Variants in ARHGAP5 observed in about 807,000 individuals in gnomAD.
ARHGAP5 encodes the protein Rho GTPase activating protein 5.
In ARHGAP5, 23 loss-of-function variants were observed where a neutral mutation model predicts 116.6. That is an observed-to-expected ratio of 0.20 (90% CI 0.14 to 0.28). The LOEUF (loss-of-function observed/expected upper bound fraction) is 0.28, where lower values mean the gene tolerates loss of function less well. Among genes scored for constraint, ARHGAP5 ranks in the 10% least tolerant of loss-of-function variants. The pLI is 1.00. For synonymous variants in ARHGAP5, 574 were observed against 602.0 expected, an observed-to-expected ratio of 0.95 and a Z score of 0.68; for missense variants, 1,405 against 1,774.8, an observed-to-expected ratio of 0.79 and a Z score of 3.74.
At position 32,156,193 on chromosome 14, in the gene ARHGAP5, A is replaced by G. The variant is rs754916679; in HGVS notation, c.*1245A>G. The G allele has an allele frequency of 2.0e-5, 3 of 152,460 alleles. No individual in the cohort carries two copies. The highest frequency in any genetic ancestry group is 4.4e-5 in the Non-Finnish European group (3 of 67,894). 9.4% of individuals were successfully genotyped at this position (152,460 alleles called of 1,614,324 possible). On this transcript the variant is annotated 3_prime_UTR_variant, in exon 7 of 7. Transcript: ENST00000345122. ...GGGGGTAAACATTTTGTTAGTGAAGATAAAACCAGAACACTAAATTATGGA... is the reference window on the plus strand; with the variant it reads ...GGGGGTAAACATTTTGTTAGTGAAGGTAAAACCAGAACACTAAATTATGGA...
Position 32,091,771 on chromosome 14 carries a change from A to G in ARHGAP5, c.1102A>G (p.Met368Val), listed in dbSNP as rs1188756162. The change falls in exon 2 of 7, where the codon ATG becomes GTG. Residue 368 changes from methionine to valine, a missense_variant. Coordinates refer to ENST00000345122, the MANE Select transcript of ARHGAP5 (RefSeq NM_001030055.2). Reference protein sequence around the residue: ...HLNWSEALKLMEKRADFQLCF... With the variant: ...HLNWSEALKLVEKRADFQLCF... The stretch of plus-strand genomic sequence containing the variant: ...GAATTGGTCAGAAGCTTTGAAGTTA[A>G]TGGAAAAGAGAGCAGATTTCCAGTT... 1 of 1,613,704 alleles carries G rather than the reference A, an allele frequency of 6.2e-7. No homozygotes were observed. The highest frequency in any genetic ancestry group is 8.5e-7 in the Non-Finnish European group (1 of 1,179,664).
intron 3 of ARHGAP5, among the ~76,000 whole-genome samples, chr14:32,134,712 T>C (rs1880693898): frequency 6.6e-6 from 1 of 152,254 alleles, no homozygotes; most frequent in Non-Finnish European, 1.5e-5. Context: ...TAAATCTTGT[T>C]TGAAATAAAA....
intron 3 of ARHGAP5, among the ~76,000 whole-genome samples, chr14:32,144,738 C>T (rs1301780717): frequency 6.6e-6 from 1 of 152,194 alleles, no homozygotes; most frequent in African/African-American, 2.4e-5. Flanking sequence ...CCCACCTCAG[C>T]TTCCCAAAGT....
At chr14:32,154,548 C>A in intron 6 of ARHGAP5, 73 bp from the exon 7 acceptor site, 1 of 1,238,820 alleles carries the variant, frequency 8.1e-7, no homozygotes, top group Non-Finnish European at 1.1e-6. Flanking sequence ...AATCTGAGAT[C>A]ATTTCTAGCT....
intron 3 of ARHGAP5, among the ~76,000 whole-genome samples, chr14:32,135,766 A>G (rs549112668): frequency 2.0e-5 from 3 of 152,324 alleles, no homozygotes; most frequent in African/African-American, 7.2e-5. Context: ...GCCTAACCAC[A>G]TATCTTTGAA....
In ARHGAP5 at chr14:32,092,901, C is replaced by A. The variant is rs768060067; in HGVS notation, c.2232C>A (p.Thr744=). ...AGTYPRKFNE[T]QIKQALRGVL... Reference sequence around the variant, plus strand: ...CATATCCTCGTAAATTTAATGAAACCCAAATAAAGCAAGCTCTCAGAGGAG... The same window carrying A: ...CATATCCTCGTAAATTTAATGAAACACAAATAAAGCAAGCTCTCAGAGGAG... The change falls in exon 2 of 7, where the codon ACC becomes ACA. Residue 744 remains threonine, a synonymous_variant. Coordinates refer to ENST00000345122, the MANE Select transcript of ARHGAP5 (RefSeq NM_001030055.2). The surrounding 1 kb of genome is among the most constrained non-coding windows in gnomAD (Gnocchi z 4.1). 6.2e-7 allele frequency: 1 copy of A among 1,613,758 alleles called. No homozygotes were observed. Among genetic ancestry groups the A allele is most frequent in the Non-Finnish European group, 8.5e-7 (1 of 1,179,852 alleles).
intron 3 of ARHGAP5, among the ~76,000 whole-genome samples, chr14:32,134,409 T>C (rs1047895778): frequency 2.0e-5 from 3 of 152,232 alleles, no homozygotes; most frequent in Non-Finnish European, 4.4e-5. Flanking sequence ...ATTCCTGTAA[T>C]GGCATTGTGC....
rs1453745747 is a variant in ARHGAP5 at position 32,158,773 on chromosome 14, C to T, written c.*3825C>T. 1 of 151,914 alleles carries T rather than the reference C, an allele frequency of 6.6e-6. No individual in the cohort carries two copies. The highest frequency in any genetic ancestry group is 1.5e-5 in the Non-Finnish European group (1 of 67,874). The allele number at this position is 151,914 out of a possible 1,614,324, so 9.4% of individuals were successfully genotyped here. A position where few individuals can be genotyped will look rare whatever the true frequency, so the allele number is the denominator to read the frequency against. On this transcript the variant is annotated 3_prime_UTR_variant, in exon 7 of 7. Transcript: ENST00000345122. ...AGATTTAATAAGGGAAGATACTATT[C>T]AAATCATTTTCTTAGGATAGCATCT...
intron 3 of ARHGAP5, among the ~76,000 whole-genome samples, chr14:32,137,049 A>G (rs1392463940): frequency 6.6e-6 from 1 of 151,664 alleles, no homozygotes; most frequent in Non-Finnish European, 1.5e-5. Context: ...ATATCTTTTA[A>G]TATATAAAAG....
At chr14:32,137,585 C>G (rs937595508) in intron 3 of ARHGAP5, among the ~76,000 whole-genome samples, 1 of 151,988 alleles carries the variant, frequency 6.6e-6, no homozygotes, top group African/African-American at 2.4e-5. Flanking sequence ...GAGGATTTTC[C>G]TTTCCATTTC....
At chr14:32,117,569 T>G (rs1025218060) in intron 3 of ARHGAP5, among the ~76,000 whole-genome samples, 1 of 152,216 alleles carries the variant, frequency 6.6e-6, no homozygotes, top group Non-Finnish European at 1.5e-5. Flanking sequence ...TATTAAGTTA[T>G]GCTATTTAGT....
chr14:32,126,320 ACT>A (rs746063797), intron 3 of ARHGAP5, among the ~76,000 whole-genome samples: 1 of 151,892 alleles, frequency 6.6e-6, no homozygotes, highest in Non-Finnish European at 1.5e-5. Flanking sequence ...TCCCTCTGAG[ACT>A]CTAGGTAAAC....
chr14:32,153,400 C>T (rs1264019326), intron 6 of ARHGAP5, among the ~76,000 whole-genome samples: 2 of 47,758 alleles, frequency 4.2e-5, no homozygotes, highest in Admixed American at 3.7e-4. Context: ...GAGCAAGACT[C>T]TGTCTCAAAA....
At position 32,120,481 on chromosome 14, in the gene ARHGAP5, G is replaced by C. The variant is rs186911789; in HGVS notation, c.3865+3194G>C. 1.2e-3 allele frequency among the ~76,000 whole-genome samples: 183 copies of C among 151,352 alleles called. 2 individuals are homozygous for C. Among genetic ancestry groups the C allele is most frequent in the Non-Finnish European group, 2.5e-4 (17 of 67,818 alleles). Reference sequence around the variant, plus strand: ...AATAGAAATCTAGATTACTGTGTTAGACCAGTTTTCTTTTCTAGTGTAAAT... The same window carrying C: ...AATAGAAATCTAGATTACTGTGTTACACCAGTTTTCTTTTCTAGTGTAAAT... On this transcript the variant is annotated intron_variant, in intron 3 of 6. Transcript: ENST00000345122.
At chr14:32,080,259 C>G (rs945576781) in intron 1 of ARHGAP5, among the ~76,000 whole-genome samples, 1 of 151,172 alleles carries the variant, frequency 6.6e-6, no homozygotes, top group African/African-American at 2.4e-5. Flanking sequence ...AGGACAGCTT[C>G]TATTTTCATG....
chr14:32,100,907 CAAG>C (rs945304091), intron 2 of ARHGAP5, among the ~76,000 whole-genome samples: 4 of 152,114 alleles, frequency 2.6e-5, no homozygotes, highest in Non-Finnish European at 5.9e-5. Context: ...TGAACACATT[CAAG>C]GAGTGTGTTA....
intron 3 of ARHGAP5, among the ~76,000 whole-genome samples, chr14:32,125,378 A>G (rs939014487): frequency 2.0e-5 from 3 of 152,120 alleles, no homozygotes; most frequent in Non-Finnish European, 2.9e-5. Context: ...TGCTTTTTCA[A>G]TCGTTTGGTG....
intron 2 of ARHGAP5, among the ~76,000 whole-genome samples, chr14:32,104,576 G>T (rs1379313845): frequency 6.6e-6 from 1 of 152,170 alleles, no homozygotes; most frequent in Non-Finnish European, 1.5e-5. Context: ...CCTTTAGAGT[G>T]CTGGGTCCCC....
In ARHGAP5 at chr14:32,159,526, G is replaced by T. The variant is rs763955760; in HGVS notation, c.*4578G>T. The T allele has an allele frequency of 3.3e-5, 5 of 152,036 alleles. No homozygotes were observed. The highest frequency in any genetic ancestry group is 7.4e-5 in the Non-Finnish European group (5 of 67,988). 9.4% of individuals were successfully genotyped at this position (152,036 alleles called of 1,614,324 possible). On this transcript the variant is annotated 3_prime_UTR_variant, in exon 7 of 7. Transcript: ENST00000345122. ...ACTAATTCATCCAGATTAGTTTTAA[G>T]TGTGTATATGTATTTGCTCACCAGA...
Sources: gnomAD v4.1 joint callset for allele counts (sites outside exome capture counted in the v4.1 genomes callset) on GRCh38, gnomAD v4.1.1 for gene constraint, Gnocchi (gnomAD v3.1) non-coding constraint, MANE v1.5 for transcripts, NCBI Gene and HGNC (gene_info 2026-07-23, HGNC 2026-07-21) for gene names.